SLC35F3: variants seen among roughly 807,000 people sequenced by gnomAD.
The protein encoded by SLC35F3 is putative thiamine transporter SLC35F3.
In SLC35F3, 25 loss-of-function variants were observed where a neutral mutation model predicts 49.9. That is an observed-to-expected ratio of 0.50 (90% CI 0.37 to 0.70). The LOEUF (loss-of-function observed/expected upper bound fraction) is 0.70. Ranked by LOEUF, SLC35F3 falls within the 30% of genes least tolerant of loss-of-function variation. SLC35F3 has a pLI of 0.00. For synonymous variants in SLC35F3, 275 were observed against 265.4 expected (o/e 1.04, Z -0.35); for missense variants, 525 against 639.8 (o/e 0.82, Z 1.94).
intron 3 of SLC35F3, among the ~76,000 whole-genome samples, chr1:234,236,903 C>G (rs956538619): frequency 9.4e-6 from 1 of 106,692 alleles, no homozygotes; most frequent in Admixed American, 1.0e-4. Flanking sequence ...GAGTGGGAGA[C>G]AGTCTCCTAT....
chr1:234,144,175 A>G (rs962172272), intron 2 of SLC35F3, among the ~76,000 whole-genome samples: 1 of 152,206 alleles, frequency 6.6e-6, no homozygotes, highest in African/African-American at 2.4e-5. Context: ...CTTCCTGTGT[A>G]CTAAATACCT....
intron 2 of SLC35F3, among the ~76,000 whole-genome samples, chr1:234,145,192 G>A (rs1054395953): frequency 4.3e-4 from 65 of 152,162 alleles, no homozygotes; most frequent in African/African-American, 1.4e-3. Context: ...GCACTGTCCC[G>A]CTGTGAGTGG....
chr1:234,194,179 C>T (rs900056620), intron 2 of SLC35F3, among the ~76,000 whole-genome samples: 14 of 152,106 alleles, frequency 9.2e-5, no homozygotes, highest in Non-Finnish European at 1.5e-4. Context: ...CAGCACAATT[C>T]GCAATTGCAA....
chr1:234,190,786 C>T lies in SLC35F3; in HGVS notation c.284-40631C>T, dbSNP rs114957299. Among the ~76,000 whole-genome samples, 542 of 152,246 alleles carry T rather than the reference C, an allele frequency of 3.6e-3. 3 individuals carry two copies. The highest frequency in any genetic ancestry group is 0.012 in the African/African-American group (512 of 41,540). Reference sequence around the variant, plus strand: ...ATACATTCTATTTCATCAGTGTGGCCGACTGCCACAGCTACTACTTGAGAC... The same window carrying T: ...ATACATTCTATTTCATCAGTGTGGCTGACTGCCACAGCTACTACTTGAGAC... On this transcript the variant is annotated intron_variant, in intron 2 of 7. Coordinates refer to ENST00000366618, the MANE Select transcript of SLC35F3 (RefSeq NM_173508.4).
rs1361043699 is a variant in SLC35F3 at position 234,214,355 on chromosome 1, G to A, written c.284-17062G>A. ...AACCGGAGCCCGGCGGGCAGCCGGG[G>A]AGGCCGGGACTGAGAGGGGCGAGCC... On this transcript the variant is annotated intron_variant, in intron 2 of 7. Transcript: ENST00000366618. This position sits in a 1 kb window ranked among gnomAD's most constrained non-coding sequence, Gnocchi z 8.0. 4.6e-6 allele frequency: 6 copies of A among 1,317,162 alleles called. No individual in the cohort carries two copies. The highest frequency in any genetic ancestry group is 6.3e-5 in the East Asian group (2 of 31,608). 81.6% of individuals were successfully genotyped at this position (1,317,162 alleles called of 1,614,324 possible).
intron 2 of SLC35F3, among the ~76,000 whole-genome samples, chr1:234,193,513 C>T (rs1211712394): frequency 1.3e-5 from 2 of 152,072 alleles, no homozygotes; most frequent in Non-Finnish European, 2.9e-5. Flanking sequence ...ATTAGAAAAA[C>T]CCTTCTAGAC....
intron 3 of SLC35F3, among the ~76,000 whole-genome samples, chr1:234,303,029 T>G (rs1332684373): frequency 6.6e-6 from 1 of 152,196 alleles, no homozygotes; most frequent in Non-Finnish European, 1.5e-5. Flanking sequence ...TTATACCAAT[T>G]TAGCTAAATT....
chr1:233,952,282 A>T (rs909828999), intron 2 of SLC35F3, among the ~76,000 whole-genome samples: 8 of 151,994 alleles, frequency 5.3e-5, no homozygotes, highest in African/African-American at 1.9e-4. Context: ...TGTATTCTTT[A>T]TCTGCCATTT....
intron 2 of SLC35F3, among the ~76,000 whole-genome samples, chr1:234,056,263 A>G (rs375819690): frequency 3.2e-5 from 2 of 63,464 alleles, no homozygotes; most frequent in Non-Finnish European, 5.1e-5. Context: ...TAAAGATATA[A>G]TATTAATTAA....
chr1:233,929,950 T>A (rs1394461396), intron 2 of SLC35F3, among the ~76,000 whole-genome samples: 1 of 152,132 alleles, frequency 6.6e-6, no homozygotes, highest in Non-Finnish European at 1.5e-5. Flanking sequence ...TCAATCTGGC[T>A]GAGACCTATT....
chr1:234,157,586 G>A (rs915352207), intron 2 of SLC35F3, among the ~76,000 whole-genome samples: 1 of 152,070 alleles, frequency 6.6e-6, no homozygotes, highest in African/African-American at 2.4e-5. Flanking sequence ...GTTTTCTCTC[G>A]GGAAAGATTT....
intron 3 of SLC35F3, 97 bp from the exon 4 acceptor site, chr1:234,309,004 C>T (rs1249548682): frequency 3.7e-6 from 3 of 811,698 alleles, no homozygotes; most frequent in Non-Finnish European, 5.6e-6. Flanking sequence ...CTGCCCCTTC[C>T]TATATTTGCT....
At chr1:234,281,085 C>T (rs563586950) in intron 3 of SLC35F3, among the ~76,000 whole-genome samples, 1 of 152,016 alleles carries the variant, frequency 6.6e-6, no homozygotes, top group East Asian at 1.9e-4. Flanking sequence ...ATTGTGTCCC[C>T]CCCCCATGCT....
At chr1:234,086,560 A>G (rs1186188396) in intron 2 of SLC35F3, among the ~76,000 whole-genome samples, 1 of 152,266 alleles carries the variant, frequency 6.6e-6, no homozygotes, top group East Asian at 1.9e-4. Flanking sequence ...ATGTGCATTC[A>G]ATCCTACAAA....
intron 2 of SLC35F3, among the ~76,000 whole-genome samples, chr1:234,115,096 C>T (rs1187833025): frequency 6.6e-6 from 1 of 152,180 alleles, no homozygotes; most frequent in African/African-American, 2.4e-5. Flanking sequence ...GAAGCGCATT[C>T]ATCTTGCCTG....
At chr1:234,272,821 G>A (rs997041567) in intron 3 of SLC35F3, among the ~76,000 whole-genome samples, 1 of 152,096 alleles carries the variant, frequency 6.6e-6, no homozygotes. Flanking sequence ...GCCTGCCCCT[G>A]TTTGTTGTTC....
chr1:233,942,796 T>C (rs1032648117), intron 2 of SLC35F3, among the ~76,000 whole-genome samples: 2 of 152,208 alleles, frequency 1.3e-5, no homozygotes, highest in African/African-American at 4.8e-5. Flanking sequence ...GATCTAGAAC[T>C]TACTCATCTT....
At chr1:233,916,022 G>A (rs563889678) in intron 2 of SLC35F3, among the ~76,000 whole-genome samples, 2 of 152,270 alleles carry the variant, frequency 1.3e-5, no homozygotes, top group South Asian at 2.1e-4. Context: ...TGCACGTGTG[G>A]GAGTTTAATA....
At chr1:233,996,378 T>C (rs1172795448) in intron 2 of SLC35F3, among the ~76,000 whole-genome samples, 2 of 152,152 alleles carry the variant, frequency 1.3e-5, no homozygotes, top group Non-Finnish European at 2.9e-5. Flanking sequence ...ATTTTGGTAT[T>C]TGAGGAGGAT....
Sources: allele counts gnomAD v4.1 joint callset (sites outside exome capture counted in the v4.1 genomes callset), GRCh38; gene constraint gnomAD v4.1.1; non-coding constraint Gnocchi (gnomAD v3.1); transcripts MANE v1.5; gene names NCBI Gene and HGNC (gene_info 2026-07-23, HGNC 2026-07-21).